The following CEP290 variants were observed in gnomAD, a reference collection of about 807,000 sequenced individuals.
CEP290 encodes the protein centrosomal protein 290.
A neutral mutation model predicts 344.9 loss-of-function variants in CEP290; 317 were observed. The observed-to-expected ratio is 0.92, with a 90% CI of 0.84 to 1.01. The LOEUF is 1.01. CEP290 is among the 50% of genes least tolerant of loss of function. The pLI is 0.00. For synonymous variants in CEP290, 932 were observed against 895.8 expected (o/e 1.04, Z -0.72); for missense variants, 2,754 against 2,761.4 (o/e 1.00, Z 0.06).
In CEP290 at chr12:88,114,393, A is replaced by G. The variant is rs748630707; in HGVS notation, c.2052+27T>C. On this transcript the variant is annotated intron_variant, in intron 20 of 53. Coordinates refer to ENST00000552810, the MANE Select transcript of CEP290 (RefSeq NM_025114.4). Reference sequence around the variant, plus strand: ...AATCTCTCTAAAGTGATAGGGGAAAAACATTAACATGAAAAAAATAACTTA... The same window carrying G: ...AATCTCTCTAAAGTGATAGGGGAAAGACATTAACATGAAAAAAATAACTTA... 18 of 1,522,404 alleles carry G rather than the reference A, an allele frequency of 1.2e-5. No individual in the cohort carries two copies. In the South Asian group the frequency reaches 1.8e-4, roughly 15 times the overall value. The allele number at this position is 1,522,404 out of a possible 1,614,324, so 94.3% of individuals were successfully genotyped here.
intron 11 of CEP290, 135 bp from the exon 12 acceptor site, chr12:88,126,573 G>C: frequency 1.9e-6 from 1 of 514,252 alleles, no homozygotes; most frequent in Non-Finnish European, 3.2e-6. Context: ...GAAAGTATGA[G>C]CAACTACTGG....
intron 6 of CEP290, chr12:88,136,296 C>A: frequency 2.3e-5 from 5 of 215,404 alleles, no homozygotes; most frequent in South Asian, 2.3e-4. Context: ...TAACTTTTAC[C>A]CAAAATAAAC....
chr12:88,106,589 G>T, intron 25 of CEP290, 86 bp downstream of exon 25: 1 of 766,420 alleles, frequency 1.3e-6, no homozygotes, highest in Non-Finnish European at 2.0e-6. Context: ...ATTAATTCAG[G>T]TGATGAGCAT....
intron 15 of CEP290, among the ~76,000 whole-genome samples, chr12:88,119,671 C>T (rs1390803135): frequency 2.0e-5 from 3 of 152,020 alleles, no homozygotes; most frequent in African/African-American, 7.2e-5. Context: ...TAGTGGTGCA[C>T]ACCTGTAATC....
intron 13 of CEP290, among the ~76,000 whole-genome samples, chr12:88,123,696 TCAATTA>T (rs2137970309): frequency 6.6e-6 from 1 of 152,238 alleles, no homozygotes; most frequent in Non-Finnish European, 1.5e-5. Flanking sequence ...CCTCATTATT[TCAATTA>T]CTTTTACAGA....
At position 88,068,564 on chromosome 12, in the gene CEP290, A is replaced by T; in HGVS notation, c.6093T>A (p.Ala2031=). 6.3e-7 allele frequency: 1 copy of T among 1,584,924 alleles called. No individual in the cohort carries two copies. The highest frequency in any genetic ancestry group is 8.6e-7 in the Non-Finnish European group (1 of 1,166,766). The change falls in exon 44 of 54, where the codon GCT becomes GCA. Residue 2031 remains alanine (A), a synonymous_variant. Transcript: ENST00000552810. The part of the protein sequence containing the change: ...QNRYLQEKLH[A]LEKQFSKDTY... ...TATCCTTTGAAAACTGTTTTTCTAA[A>T]GCATGAAGTTTTTCTTGGAGGTATC...
intron 26 of CEP290, among the ~76,000 whole-genome samples, chr12:88,099,538 T>G (rs1024471590): frequency 3.9e-5 from 6 of 152,142 alleles, no homozygotes; most frequent in Admixed American, 3.9e-4. Context: ...ATAAATAAAT[T>G]ATATCCTAGA....
chr12:88,082,284 A>C (rs1247111299), intron 37 of CEP290, among the ~76,000 whole-genome samples: 1 of 152,220 alleles, frequency 6.6e-6, no homozygotes, highest in East Asian at 1.9e-4. Flanking sequence ...GTGTAATCAA[A>C]AGTTTTCTAT....
At chr12:88,120,316 T>C (rs755020653) in intron 14 of CEP290, 40 bp from the exon 15 acceptor site, 1 of 1,028,606 alleles carries the variant, frequency 9.7e-7, no homozygotes. Context: ...TAACATGGTT[T>C]ACTTGAATAA....
intron 18 of CEP290, 53 bp downstream of exon 18, chr12:88,116,973 CAAAAAAA>C (rs890305929): frequency 3.2e-5 from 17 of 533,746 alleles, no homozygotes; most frequent in Admixed American, 1.1e-4. Context: ...GACTCCGTCT[CAAAAAAA>C]AAAAAAAAAA....
At chr12:88,106,065 T>C (rs1172191485) in intron 25 of CEP290, among the ~76,000 whole-genome samples, 5 of 152,210 alleles carry the variant, frequency 3.3e-5, no homozygotes, top group African/African-American at 1.2e-4. Context: ...CTGCTTGTCT[T>C]TTCCTTAACA....
intron 46 of CEP290, among the ~76,000 whole-genome samples, chr12:88,061,481 G>A (rs972866926): frequency 1.3e-5 from 2 of 152,060 alleles, no homozygotes; most frequent in African/African-American, 4.8e-5. Context: ...AGAGTTATCT[G>A]AAATAAAAAA....
chr12:88,112,493 T>A (rs1592611070), intron 20 of CEP290, among the ~76,000 whole-genome samples: 1 of 152,104 alleles, frequency 6.6e-6, no homozygotes, highest in Non-Finnish European at 1.5e-5. Flanking sequence ...ATGTCAAATA[T>A]TAAAATATTA....
chr12:88,078,691 A>T (rs1173987211), intron 39 of CEP290, among the ~76,000 whole-genome samples: 2 of 152,140 alleles, frequency 1.3e-5, no homozygotes, highest in Non-Finnish European at 2.9e-5. Flanking sequence ...ATGATGTATC[A>T]ATATAGGTTC....
At chr12:88,100,424 C>T (rs545615058) in intron 26 of CEP290, among the ~76,000 whole-genome samples, 1 of 152,256 alleles carries the variant, frequency 6.6e-6, no homozygotes, top group Admixed American at 6.5e-5. Flanking sequence ...ATTCTTCACA[C>T]ATGAAATCTG....
At position 88,053,739 on chromosome 12, in the gene CEP290, T is replaced by A; in HGVS notation, c.7042A>T (p.Asn2348Tyr). ...KRELQVLRLA[N>Y]HQLDKEKAEL... ...GCTTTCTCTTTATCCAGCTGATGATTAGCTAATCTAGAACACAATGATAAT... is the reference window on the plus strand; with the variant it reads ...GCTTTCTCTTTATCCAGCTGATGATAAGCTAATCTAGAACACAATGATAAT... The change falls in exon 52 of 54, where the codon AAT (asparagine) becomes TAT (tyrosine). Residue 2348 changes from asparagine to tyrosine, a missense_variant. Coordinates refer to ENST00000552810, the MANE Select transcript of CEP290 (RefSeq NM_025114.4). 1.3e-6 allele frequency: 2 copies of A among 1,498,360 alleles called. No homozygotes were observed. Among genetic ancestry groups the A allele is most frequent in the Non-Finnish European group, 9.0e-7 (1 of 1,105,264 alleles). The allele number at this position is 1,498,360 out of a possible 1,614,324, so 92.8% of individuals were successfully genotyped here. A position where few individuals can be genotyped will look rare whatever the true frequency, so the allele number is the denominator to read the frequency against.
intron 35 of CEP290, 78 bp from the exon 36 acceptor site, chr12:88,084,032 C>G: frequency 1.1e-6 from 1 of 873,240 alleles, no homozygotes; most frequent in African/African-American, 1.7e-5. Flanking sequence ...TATATATTTT[C>G]TCTTCAATCT....
At position 88,058,994 on chromosome 12, in the gene CEP290, C is replaced by A. The variant is rs778031524; in HGVS notation, c.6672G>T (p.Arg2224=). The A allele has an allele frequency of 6.2e-7, 1 of 1,611,592 alleles. No homozygotes were observed. The highest frequency in any genetic ancestry group is 8.5e-7 in the Non-Finnish European group (1 of 1,179,048). ...ATATCTCTAAATTATTCTTTGCTAT[C>A]CGTAATTTCTCTGCAGCATCAGTTT... ...KKETDAAEKL[R]IAKNNLEILN... The change falls in exon 49 of 54, where the codon CGG becomes CGT. Residue 2224 remains arginine (R), a synonymous_variant. Coordinates refer to ENST00000552810, the MANE Select transcript of CEP290 (RefSeq NM_025114.4).
At chr12:88,108,192 G>A (rs971583158) in intron 23 of CEP290, among the ~76,000 whole-genome samples, 54 of 152,130 alleles carry the variant, frequency 3.5e-4, no homozygotes, top group African/African-American at 1.3e-3. Context: ...CATGTGTAAT[G>A]TTCTTGGCAT....
Sources: gnomAD v4.1 joint callset for allele counts (sites outside exome capture counted in the v4.1 genomes callset) on GRCh38, gnomAD v4.1.1 for gene constraint, MANE v1.5 for transcripts, NCBI Gene and HGNC (gene_info 2026-07-23, HGNC 2026-07-21) for gene names.